CRPPA: variants seen among roughly 807,000 people sequenced by gnomAD.
CRPPA encodes the protein CDP-L-ribitol pyrophosphorylase A.
A neutral mutation model predicts 52.0 loss-of-function variants in CRPPA; 43 were observed. The ratio of observed to expected loss-of-function variants is 0.83; its 90% CI spans 0.65 to 1.07. The LOEUF is 1.07. CRPPA is among the 50% of genes least tolerant of loss of function. The pLI is 0.00. For missense variants in CRPPA, 629 were observed against 551.7 expected, an observed-to-expected ratio of 1.14 and a Z score of -1.40; for synonymous variants, 250 against 203.5, an observed-to-expected ratio of 1.23 and a Z score of -1.94.
intron 6 of CRPPA, among the ~76,000 whole-genome samples, chr7:16,271,246 A>G (rs1784083263): frequency 6.6e-6 from 1 of 152,140 alleles, no homozygotes; most frequent in African/African-American, 2.4e-5. Flanking sequence ...TACAGGAATG[A>G]ATATTGGGTT....
chr7:16,326,345 T>C (rs568899235), intron 3 of CRPPA, among the ~76,000 whole-genome samples: 13 of 152,270 alleles, frequency 8.5e-5, no homozygotes, highest in African/African-American at 2.9e-4. Context: ...TTCACTGTGA[T>C]GATATCAAGG....
chr7:16,180,650 C>G (rs10264097), intron 9 of CRPPA, among the ~76,000 whole-genome samples: 5,255 of 152,034 alleles, frequency 0.035, 298 homozygotes, highest in African/African-American at 0.12. Context: ...CTGGAATTGA[C>G]TGAGGTTTCA....
At chr7:16,295,413 A>G (rs1266987232) in intron 5 of CRPPA, among the ~76,000 whole-genome samples, 3 of 151,980 alleles carry the variant, frequency 2.0e-5, no homozygotes, top group Non-Finnish European at 4.4e-5. Context: ...AATTTTACCT[A>G]TTTTTCCTCT....
intron 8 of CRPPA, among the ~76,000 whole-genome samples, chr7:16,255,522 C>T (rs375853578): frequency 6.6e-5 from 10 of 152,284 alleles, no homozygotes; most frequent in South Asian, 6.2e-4. Flanking sequence ...GGAGGCATCA[C>T]GCTACCTGAC....
intron 8 of CRPPA, among the ~76,000 whole-genome samples, chr7:16,231,579 G>A (rs1400026618): frequency 6.6e-6 from 1 of 152,122 alleles, no homozygotes; most frequent in East Asian, 1.9e-4. Context: ...AAATCCCACT[G>A]TGAAAAATTA....
At chr7:16,278,056 CAA>C in intron 6 of CRPPA, 71 bp downstream of exon 6, 1 of 778,402 alleles carries the variant, frequency 1.3e-6, no homozygotes, top group Non-Finnish European at 2.1e-6. Context: ...GGTTTTTTTC[CAA>C]GAAAGATATC....
intron 3 of CRPPA, among the ~76,000 whole-genome samples, chr7:16,355,695 T>A (rs1375270907): frequency 6.6e-6 from 1 of 152,206 alleles, no homozygotes; most frequent in African/African-American, 2.4e-5. Flanking sequence ...GGTAGCCATG[T>A]TGGACTCCCA....
intron 3 of CRPPA, among the ~76,000 whole-genome samples, chr7:16,348,421 C>T (rs1786068065): frequency 6.6e-6 from 1 of 152,140 alleles, no homozygotes; most frequent in Non-Finnish European, 1.5e-5. Flanking sequence ...AACTGCTGCT[C>T]CCTATTTCAC....
At chr7:16,166,401 T>C (rs1436873515) in intron 9 of CRPPA, among the ~76,000 whole-genome samples, 1 of 152,188 alleles carries the variant, frequency 6.6e-6, no homozygotes, top group East Asian at 1.9e-4. Flanking sequence ...TGCCTCAGCC[T>C]CCCAGGTAGC....
intron 9 of CRPPA, among the ~76,000 whole-genome samples, chr7:16,186,624 T>C (rs566458391): frequency 2.6e-5 from 4 of 152,322 alleles, no homozygotes; most frequent in Non-Finnish European, 5.9e-5. Context: ...AAATAAATGT[T>C]ACAAATGATA....
chr7:16,270,228 T>G (rs1292158467), intron 6 of CRPPA: 1 of 152,158 alleles, frequency 6.6e-6, no homozygotes, highest in South Asian at 2.1e-4. Context: ...AGCAATGACC[T>G]CATTTCTAAG....
At chr7:16,119,176 T>C (rs536669120) in intron 9 of CRPPA, among the ~76,000 whole-genome samples, 10 of 152,156 alleles carry the variant, frequency 6.6e-5, no homozygotes, top group African/African-American at 2.2e-4. Flanking sequence ...TTGATAAGAC[T>C]CAAAACAATT....
At chr7:16,408,118 A>AT (rs907292933) in intron 1 of CRPPA, among the ~76,000 whole-genome samples, 15 of 150,776 alleles carry the variant, frequency 9.9e-5, no homozygotes, top group African/African-American at 3.0e-4. Context: ...TAAAAAAAAA[A>AT]AAATAAAAAA....
intron 9 of CRPPA, among the ~76,000 whole-genome samples, chr7:16,117,783 A>T (rs1782406160): frequency 6.6e-6 from 1 of 152,166 alleles, no homozygotes; most frequent in Admixed American, 6.5e-5. Flanking sequence ...ACCAGAATCC[A>T]TTCATGCTGC....
intron 6 of CRPPA, chr7:16,261,932 A>G (rs180974463): frequency 1.3e-5 from 2 of 152,176 alleles, no homozygotes; most frequent in Non-Finnish European, 2.9e-5. Context: ...AGTCTTGGAT[A>G]TCACCTTCAT....
Position 16,421,235 on chromosome 7 carries a change from C to T in CRPPA, c.88G>A (p.Ala30Thr), listed in dbSNP as rs1379380979. ...GQRGADHTAS[A>T]SLQSVAGTEP... ...GTCCCGGCCACGCTCTGCAGGGAGG[C>T]GGAAGCCGTGTGGTCCGCGCCGCGC... The change falls in exon 1 of 10, where the codon GCC becomes ACC. Residue 30 changes from alanine (A) to threonine (T), a missense_variant. Ala to Thr is a moderately conservative substitution (Grantham distance 58). Coordinates refer to ENST00000407010, the MANE Select transcript of CRPPA (RefSeq NM_001101426.4). The T allele has an allele frequency of 1.5e-6, 2 of 1,330,444 alleles. No individual in the cohort carries two copies. Among genetic ancestry groups the T allele is most frequent in the Non-Finnish European group, 1.9e-6 (2 of 1,033,020 alleles). The allele number at this position is 1,330,444 out of a possible 1,614,324, so 82.4% of individuals were successfully genotyped here.
chr7:16,385,617 C>G (rs181293509), intron 2 of CRPPA, among the ~76,000 whole-genome samples: 1 of 152,132 alleles, frequency 6.6e-6, no homozygotes, highest in Non-Finnish European at 1.5e-5. Flanking sequence ...AAAGTAGCAA[C>G]AAATGTTCAG....
chr7:16,230,887 G>C (rs553882087), intron 8 of CRPPA, among the ~76,000 whole-genome samples: 1 of 152,228 alleles, frequency 6.6e-6, no homozygotes, highest in South Asian at 2.1e-4. Flanking sequence ...GGGGCCACCT[G>C]CTGCTGCTGA....
At chr7:16,166,579 C>G (rs1428419012) in intron 9 of CRPPA, among the ~76,000 whole-genome samples, 1 of 152,192 alleles carries the variant, frequency 6.6e-6, no homozygotes, top group African/African-American at 2.4e-5. Context: ...CACACCTGGC[C>G]AGCCTAAACT....
Sources: allele counts gnomAD v4.1 joint callset (sites outside exome capture counted in the v4.1 genomes callset), GRCh38; gene constraint gnomAD v4.1.1; transcripts MANE v1.5; gene names NCBI Gene and HGNC (gene_info 2026-07-23, HGNC 2026-07-21).